Variants in METTL15 observed in about 807,000 individuals in gnomAD.
METTL15 encodes 12S rRNA N(4)-cytidine methyltransferase METTL15.
METTL15 carries 34 observed loss-of-function variants against 38.3 expected under a neutral mutation model. The observed-to-expected ratio is 0.89, with a 90% confidence interval of 0.68 to 1.18. The LOEUF (loss-of-function observed/expected upper bound fraction) is 1.18, where lower values mean the gene tolerates loss of function less well. METTL15 is among the 50% of genes most tolerant of loss of function. The probability of loss-of-function intolerance (pLI) is 0.00; values close to 1 mark genes in which losing one functional copy is unlikely to be tolerated. For synonymous variants in METTL15, 162 were observed against 170.9 expected, an observed-to-expected ratio of 0.95 and a Z score of 0.41; for missense variants, 438 against 498.4, an observed-to-expected ratio of 0.88 and a Z score of 1.15.
intron 6 of METTL15, among the ~76,000 whole-genome samples, chr11:28,319,481 A>G (rs1404791850): frequency 2.0e-5 from 3 of 151,700 alleles, no homozygotes; most frequent in Non-Finnish European, 2.9e-5. Context: ...GAAAACTCAT[A>G]CTGATCTAGA....
chr11:28,206,324 G>A (rs1220085424), intron 3 of METTL15, among the ~76,000 whole-genome samples: 1 of 151,778 alleles, frequency 6.6e-6, no homozygotes, highest in Non-Finnish European at 1.5e-5. Context: ...CTTTCTGCAT[G>A]TGGCTAGCCA....
chr11:28,159,405 A>T (rs1243433553), intron 3 of METTL15, among the ~76,000 whole-genome samples: 1 of 151,838 alleles, frequency 6.6e-6, no homozygotes, highest in Non-Finnish European at 1.5e-5. Flanking sequence ...ACTACAAGTG[A>T]TCCAGACCCT....
chr11:28,312,265 A>G (rs370526925), intron 6 of METTL15, among the ~76,000 whole-genome samples: 2 of 152,212 alleles, frequency 1.3e-5, no homozygotes, highest in Non-Finnish European at 2.9e-5. Flanking sequence ...CTGTTGCCCA[A>G]TTATTGTTAT....
intron 3 of METTL15, among the ~76,000 whole-genome samples, chr11:28,158,943 G>C (rs1850356443): frequency 6.6e-6 from 1 of 152,120 alleles, no homozygotes; most frequent in African/African-American, 2.4e-5. Flanking sequence ...ATATGGTACT[G>C]TTTCTCCCAT....
intron 5 of METTL15, among the ~76,000 whole-genome samples, chr11:28,392,808 A>C (rs1850525523): frequency 1.3e-5 from 2 of 152,098 alleles, no homozygotes; most frequent in African/African-American, 2.4e-5. Flanking sequence ...GAACAAAAAC[A>C]AAAAAACAAA....
chr11:28,444,531 A>G (rs1317358393), intron 6 of METTL15, among the ~76,000 whole-genome samples: 1 of 152,188 alleles, frequency 6.6e-6, no homozygotes, highest in Non-Finnish European at 1.5e-5. Context: ...TTGGGATGCC[A>G]TGTAGTAAAT....
intron 6 of METTL15, 122 bp downstream of exon 6, chr11:28,297,053 G>T: frequency 1.0e-6 from 1 of 961,870 alleles, no homozygotes; most frequent in Non-Finnish European, 1.5e-6. Context: ...CTCCCTGAGG[G>T]ATTCATTTGT....
chr11:28,359,374 C>T (rs1167328785), intron 4 of METTL15, among the ~76,000 whole-genome samples: 2 of 152,182 alleles, frequency 1.3e-5, no homozygotes, highest in Non-Finnish European at 2.9e-5. Flanking sequence ...GACAGTGCTG[C>T]AGTGAACATA....
chr11:28,472,025 G>C (rs1352248517), intron 6 of METTL15, among the ~76,000 whole-genome samples: 1 of 152,150 alleles, frequency 6.6e-6, no homozygotes, highest in African/African-American at 2.4e-5. Context: ...AAAATGTCCA[G>C]CTGGGATTCC....
At chr11:28,173,318 C>T (rs2133766633) in intron 3 of METTL15, among the ~76,000 whole-genome samples, 1 of 152,002 alleles carries the variant, frequency 6.6e-6, no homozygotes, top group African/African-American at 2.4e-5. Context: ...GGAAGAGTAC[C>T]CTCTAAGAAT....
intron 5 of METTL15, among the ~76,000 whole-genome samples, chr11:28,383,681 C>T (rs964081373): frequency 2.6e-5 from 4 of 151,944 alleles, no homozygotes; most frequent in Admixed American, 6.6e-5. Context: ...GATAGTATCT[C>T]GTGGTTTTGA....
chr11:28,340,997 AG>A (rs1334019615), intron 3 of METTL15, among the ~76,000 whole-genome samples: 1 of 152,238 alleles, frequency 6.6e-6, no homozygotes, highest in Admixed American at 6.5e-5. Flanking sequence ...AGTCATAAAA[AG>A]GATGAGTTCA....
downstream of METTL15, among the ~76,000 whole-genome samples, chr11:28,334,826 G>T (rs1849886311): frequency 6.6e-6 from 1 of 152,026 alleles, no homozygotes; most frequent in Non-Finnish European, 1.5e-5. Context: ...ATGAAGAATT[G>T]TACAACATAC....
Position 28,510,186 on chromosome 11 carries a change from A to T in METTL15, c.*425-16292A>T, listed in dbSNP as rs571866804. 8.5e-5 allele frequency among the ~76,000 whole-genome samples: 13 copies of T among 152,290 alleles called. No homozygotes were observed. In the South Asian group the frequency reaches 2.7e-3, roughly 32 times the overall value. On this transcript the variant is annotated intron_variant and NMD_transcript_variant, in intron 6 of 7. Coordinates refer to the METTL15 transcript ENST00000532947. ...TCTCAGTTGTTTGGACTTGATAAGT[A>T]TCAAAATAAATTACTAAAGGAAATT...
intron 4 of METTL15, among the ~76,000 whole-genome samples, chr11:28,263,312 G>A (rs1215794012): frequency 3.3e-5 from 5 of 151,964 alleles, no homozygotes; most frequent in African/African-American, 1.2e-4. Flanking sequence ...ACTCTCTATC[G>A]TTCACATATT....
chr11:28,169,414 C>T, intron 3 of METTL15, among the ~76,000 whole-genome samples: 1 of 151,072 alleles, frequency 6.6e-6, no homozygotes, highest in East Asian at 1.9e-4. Context: ...TTTCATATTT[C>T]TATAATATTT....
At chr11:28,377,160 G>C (rs1022608194) in intron 5 of METTL15, among the ~76,000 whole-genome samples, 1 of 147,422 alleles carries the variant, frequency 6.8e-6, no homozygotes, top group African/African-American at 2.5e-5. Flanking sequence ...TTCTCAAGGA[G>C]TATCTTTGTG....
chr11:28,208,931 T>TA (rs1565167657), intron 3 of METTL15, among the ~76,000 whole-genome samples: 1 of 151,992 alleles, frequency 6.6e-6, no homozygotes, highest in Non-Finnish European at 1.5e-5. Context: ...TCCAATCACG[T>TA]ATTAACTCAG....
chr11:28,386,313 CA>C (rs1440693975), intron 5 of METTL15, among the ~76,000 whole-genome samples: 2 of 151,556 alleles, frequency 1.3e-5, no homozygotes, highest in Non-Finnish European at 3.0e-5. Flanking sequence ...TGGATAAAAA[CA>C]AAAACAAAAT....
Sources: allele counts gnomAD v4.1 joint callset (sites outside exome capture counted in the v4.1 genomes callset), GRCh38; gene constraint gnomAD v4.1.1; transcripts MANE v1.5; gene names NCBI Gene and HGNC (gene_info 2026-07-23, HGNC 2026-07-21).